Variants in CACNA1C observed in about 807,000 individuals in gnomAD.
CACNA1C encodes the protein voltage-dependent L-type calcium channel subunit alpha-1C.
In CACNA1C, 30 loss-of-function variants were observed where a neutral mutation model predicts 229.0. The ratio of observed to expected loss-of-function variants is 0.13; its 90% CI spans 0.10 to 0.18. The LOEUF (loss-of-function observed/expected upper bound fraction) is 0.18. CACNA1C is among the 10% of genes least tolerant of loss of function. CACNA1C has a pLI of 1.00. For missense variants in CACNA1C, 1,658 were observed against 2,845.0 expected (o/e 0.58, Z 9.49); for synonymous variants, 1,114 against 1,132.5 (o/e 0.98, Z 0.33).
chr12:2,391,016 G>A (rs1181803285), intron 3 of CACNA1C, among the ~76,000 whole-genome samples: 3 of 152,354 alleles, frequency 2.0e-5, no homozygotes, highest in Middle Eastern at 3.4e-3. Context: ...CAGGGTCAGA[G>A]AGGACAGAGG....
intron 14 of CACNA1C, 91 bp downstream of exon 14, chr12:2,581,888 G>A (rs1488776484): frequency 1.3e-6 from 1 of 758,518 alleles, no homozygotes; most frequent in South Asian, 1.7e-5. Flanking sequence ...CTTTTACCGG[G>A]CAGCCACAGC....
chr12:2,116,181 G>T (rs1208146506), intron 2 of CACNA1C, among the ~76,000 whole-genome samples: 1 of 152,140 alleles, frequency 6.6e-6, no homozygotes, highest in Non-Finnish European at 1.5e-5. Flanking sequence ...AAACAACAAC[G>T]GAAAACTCTC....
intron 28 of CACNA1C, among the ~76,000 whole-genome samples, chr12:2,611,147 C>T (rs1209197053): frequency 7.1e-6 from 1 of 140,598 alleles, no homozygotes; most frequent in Non-Finnish European, 1.5e-5. Flanking sequence ...TGGATGCGTT[C>T]GTTTTTGGTT....
At chr12:2,557,716 A>T (rs969146357) in intron 11 of CACNA1C, among the ~76,000 whole-genome samples, 13 of 152,190 alleles carry the variant, frequency 8.5e-5, no homozygotes, top group Non-Finnish European at 1.3e-4. Flanking sequence ...TGCAAACTCC[A>T]GGGAGAGTTA....
intron 3 of CACNA1C, among the ~76,000 whole-genome samples, chr12:2,195,738 C>T (rs1598755806): frequency 6.6e-6 from 1 of 152,196 alleles, no homozygotes; most frequent in East Asian, 1.9e-4. Context: ...AGCTCTCGCT[C>T]TGCACCTGGA....
intron 10 of CACNA1C, among the ~76,000 whole-genome samples, chr12:2,551,546 C>T (rs947606916): frequency 6.6e-6 from 1 of 152,204 alleles, no homozygotes; most frequent in Admixed American, 6.5e-5. Context: ...CCTCCCACCC[C>T]GCCCCAGACA....
intron 3 of CACNA1C, among the ~76,000 whole-genome samples, chr12:2,401,539 A>G (rs948214811): frequency 5.3e-5 from 8 of 152,210 alleles, no homozygotes; most frequent in African/African-American, 1.9e-4. Context: ...AGCAGACAGG[A>G]GAGCAACCAC....
intron 1 of CACNA1C, among the ~76,000 whole-genome samples, chr12:2,041,907 AT>A (rs1247197538): frequency 6.6e-6 from 1 of 152,116 alleles, no homozygotes; most frequent in East Asian, 1.9e-4. Flanking sequence ...TTGCTTGCAG[AT>A]CCCCCCAAAA....
chr12:2,369,998 T>C (rs2097819349), intron 3 of CACNA1C, among the ~76,000 whole-genome samples: 1 of 152,212 alleles, frequency 6.6e-6, no homozygotes, highest in Admixed American at 6.5e-5. Context: ...ATATTGCTGC[T>C]GTATAAGGAG....
chr12:2,162,129 A>G (rs1211005611), intron 3 of CACNA1C, among the ~76,000 whole-genome samples: 2 of 152,090 alleles, frequency 1.3e-5, no homozygotes, highest in Non-Finnish European at 2.9e-5. Context: ...TTTGGGCCTA[A>G]CTGCTCCTGT....
intron 3 of CACNA1C, among the ~76,000 whole-genome samples, chr12:2,155,462 C>G (rs1374995754): frequency 6.6e-6 from 1 of 152,132 alleles, no homozygotes; most frequent in East Asian, 1.9e-4. Flanking sequence ...GAATTCCGTA[C>G]ATAATGAGTT....
intron 1 of CACNA1C, among the ~76,000 whole-genome samples, chr12:2,030,341 T>A (rs911710571): frequency 6.6e-6 from 1 of 152,226 alleles, no homozygotes; most frequent in Non-Finnish European, 1.5e-5. Flanking sequence ...CTTCACATTT[T>A]ACATCAGTTA....
chr12:2,162,371 A>G (rs1449342673), intron 3 of CACNA1C, among the ~76,000 whole-genome samples: 3 of 151,966 alleles, frequency 2.0e-5, no homozygotes, highest in Admixed American at 6.6e-5. Context: ...GTCTAGGGAA[A>G]CAAGTCTGCC....
chr12:2,666,015 C>T lies in CACNA1C; in HGVS notation c.4526+307C>T, dbSNP rs571043805. Among the ~76,000 whole-genome samples the T allele has an allele frequency of 6.6e-6, 1 of 152,210 alleles. No individual in the cohort carries two copies. Among genetic ancestry groups the T allele is most frequent in the Admixed American group, 6.5e-5 (1 of 15,282 alleles). On this transcript the variant is annotated intron_variant, in intron 36 of 46. Coordinates refer to ENST00000399655, the MANE Select transcript of CACNA1C (RefSeq NM_000719.7). The surrounding 1 kb of genome is among the most constrained non-coding windows in gnomAD (Gnocchi z 5.3). ...GACCAGCCTGGCCAACACAGTGAACCCCATCTCTACTAAAAATACAAAAAT... is the reference window on the plus strand; with the variant it reads ...GACCAGCCTGGCCAACACAGTGAACTCCATCTCTACTAAAAATACAAAAAT...
chr12:2,653,983 C>T lies in CACNA1C; in HGVS notation c.4140+83C>T. The T allele has an allele frequency of 9.2e-7, 1 of 1,091,408 alleles. No homozygotes were observed. Among genetic ancestry groups the T allele is most frequent in the Non-Finnish European group, 1.4e-6 (1 of 721,818 alleles). 67.6% of individuals were successfully genotyped at this position (1,091,408 alleles called of 1,614,324 possible). On this transcript the variant is annotated intron_variant, in intron 33 of 46. Coordinates refer to ENST00000399655, the MANE Select transcript of CACNA1C (RefSeq NM_000719.7). The surrounding 1 kb of genome is among the most constrained non-coding windows in gnomAD (Gnocchi z 4.7). The stretch of plus-strand genomic sequence containing the variant: ...CAGCACCACATTCCCTAACGCCTTC[C>T]TCCCTCCCTTCTCCCTTTCATTCCT...
chr12:2,023,825 CCTT>C (rs1456118557), intron 1 of CACNA1C, among the ~76,000 whole-genome samples: 1 of 152,040 alleles, frequency 6.6e-6, no homozygotes, highest in Non-Finnish European at 1.5e-5. Flanking sequence ...CTACCCAACA[CCTT>C]CTTCAGAACA....
chr12:2,243,382 A>G (rs1277844865), intron 3 of CACNA1C, among the ~76,000 whole-genome samples: 1 of 152,186 alleles, frequency 6.6e-6, no homozygotes, highest in Non-Finnish European at 1.5e-5. Flanking sequence ...CTTGAAACCA[A>G]AGCTGGGCTG....
intron 3 of CACNA1C, among the ~76,000 whole-genome samples, chr12:2,325,698 G>A (rs2096260756): frequency 6.6e-6 from 1 of 152,262 alleles, no homozygotes; most frequent in Admixed American, 6.5e-5. Flanking sequence ...AGGGCAAACA[G>A]GTTTTGCTGC....
At chr12:2,641,708 T>C in intron 30 of CACNA1C, 1 of 702,536 alleles carries the variant, frequency 1.4e-6, no homozygotes, top group Non-Finnish European at 2.6e-6. Flanking sequence ...TCATTGTACC[T>C]TGAAGAGAAG....
Sources: allele counts gnomAD v4.1 joint callset (sites outside exome capture counted in the v4.1 genomes callset), GRCh38; gene constraint gnomAD v4.1.1; non-coding constraint Gnocchi (gnomAD v3.1); transcripts MANE v1.5; gene names NCBI Gene and HGNC (gene_info 2026-07-23, HGNC 2026-07-21).